Variants in KCMF1 observed in about 807,000 individuals in gnomAD.
KCMF1 encodes E3 ubiquitin-protein ligase KCMF1.
KCMF1 carries 3 observed loss-of-function variants against 41.1 expected under a neutral mutation model. The observed-to-expected ratio is 0.07, with a 90% confidence interval of 0.03 to 0.19. The LOEUF is 0.19. KCMF1 is among the 10% of genes least tolerant of loss of function. The pLI, the probability that KCMF1 is intolerant of heterozygous loss-of-function variation, is 1.00. For missense variants in KCMF1, 286 were observed against 488.9 expected (o/e 0.58, Z 3.91); for synonymous variants, 142 against 164.5 (o/e 0.86, Z 1.04).
intron 1 of KCMF1, among the ~76,000 whole-genome samples, chr2:85,023,475 C>T (rs968257295): frequency 6.6e-6 from 1 of 151,898 alleles, no homozygotes; most frequent in African/African-American, 2.4e-5. Flanking sequence ...CCCGCCACCA[C>T]GCCTGGCTAA....
In KCMF1 at chr2:85,046,262, C is replaced by A. The variant is rs760200878; in HGVS notation, c.585C>A (p.Ala195=). Reference sequence around the variant, plus strand: ...CATATTCTCCAAGCAATAGGGAAGCCATGGATCCTATAGCTGGTAAGTTAG... The same window carrying A: ...CATATTCTCCAAGCAATAGGGAAGCAATGGATCCTATAGCTGGTAAGTTAG... The part of the protein sequence containing the change: ...QSSYSPSNRE[A]MDPIAELLSQ... Residue 195 remains alanine (A), a synonymous_variant, in exon 5 of 7, where the codon GCC becomes GCA. Transcript: ENST00000409785. The A allele has an allele frequency of 6.2e-7, 1 of 1,612,228 alleles. No individual in the cohort carries two copies. The highest frequency in any genetic ancestry group is 1.3e-5 in the African/African-American group (1 of 74,976).
At chr2:85,014,593 C>G (rs551423824) in intron 1 of KCMF1, among the ~76,000 whole-genome samples, 2 of 150,882 alleles carry the variant, frequency 1.3e-5, no homozygotes, top group South Asian at 2.1e-4. Context: ...CTCTCTCTGC[C>G]TTGCTGCCAC....
Position 84,981,390 on chromosome 2 carries a change from C to T in KCMF1, c.16+9923C>T, listed in dbSNP as rs940073452. Among the ~76,000 whole-genome samples the T allele has an allele frequency of 1.6e-4, 24 of 151,904 alleles. 1 individual carries two copies. Among genetic ancestry groups the T allele is most frequent in the African/African-American group, 4.8e-4 (20 of 41,358 alleles). The stretch of plus-strand genomic sequence containing the variant: ...ATTTTTAGTAGAGACAGGGTTTCAC[C>T]GTGTTAGCCAGGATGGTCTCGATCT... On this transcript the variant is annotated intron_variant, in intron 1 of 6. Coordinates refer to ENST00000409785, the MANE Select transcript of KCMF1 (RefSeq NM_020122.5).
chr2:84,994,819 T>C (rs1674137680), intron 1 of KCMF1, among the ~76,000 whole-genome samples: 1 of 152,240 alleles, frequency 6.6e-6, no homozygotes, highest in Non-Finnish European at 1.5e-5. Context: ...TTACATTTGG[T>C]TGATAGGTCC....
chr2:85,046,196 T>C lies in KCMF1; in HGVS notation c.519T>C (p.Phe173=), dbSNP rs1158755246. The C allele has an allele frequency of 1.2e-6, 2 of 1,613,502 alleles. No homozygotes were observed. Among genetic ancestry groups the C allele is most frequent in the South Asian group, 1.1e-5 (1 of 90,964 alleles). Residue 173 remains phenylalanine, a synonymous_variant, in exon 5 of 7, where the codon TTT becomes TTC. Coordinates refer to ENST00000409785, the MANE Select transcript of KCMF1 (RefSeq NM_020122.5). ...GPRARRSNMH[F]TSSSTGGLSS... Reference sequence around the variant, plus strand: ...GTGCTCGTAGATCAAACATGCACTTTACTAGCAGTTCTACTGGTGGACTTT... The same window carrying C: ...GTGCTCGTAGATCAAACATGCACTTCACTAGCAGTTCTACTGGTGGACTTT...
chr2:85,038,146 C>CT (rs1225933012), intron 3 of KCMF1, among the ~76,000 whole-genome samples: 2 of 152,184 alleles, frequency 1.3e-5, no homozygotes, highest in African/African-American at 2.4e-5. Flanking sequence ...AGTGACAAAT[C>CT]TAACTTCAGC....
intron 5 of KCMF1, among the ~76,000 whole-genome samples, chr2:85,048,691 T>G (rs558041981): frequency 1.3e-5 from 2 of 152,324 alleles, no homozygotes; most frequent in African/African-American, 2.4e-5. Flanking sequence ...CACAAGACAG[T>G]CTGGATCATA....
chr2:84,971,368 G>A lies in KCMF1; in HGVS notation c.-84G>A, dbSNP rs1390232203. On this transcript the variant is annotated 5_prime_UTR_variant, in exon 1 of 7. Coordinates refer to ENST00000409785, the MANE Select transcript of KCMF1 (RefSeq NM_020122.5). Reference sequence around the variant, plus strand: ...CCGGGAGTCGAGTGGGAGTCGGCCGGCCGGCGCGGGCAGCGCCGGGACCCC... The same window carrying A: ...CCGGGAGTCGAGTGGGAGTCGGCCGACCGGCGCGGGCAGCGCCGGGACCCC... 1.7e-5 allele frequency: 16 copies of A among 920,198 alleles called. No homozygotes were observed. In the East Asian group the frequency reaches 1.0e-3, roughly 58 times the overall value. The allele number at this position is 920,198 out of a possible 1,614,324, so 57.0% of individuals were successfully genotyped here.
intron 1 of KCMF1, among the ~76,000 whole-genome samples, chr2:85,016,008 C>T (rs1674759704): frequency 6.6e-6 from 1 of 152,066 alleles, no homozygotes; most frequent in African/African-American, 2.4e-5. Context: ...TATCACAGGA[C>T]TCACAGAATT....
chr2:84,974,230 G>C (rs959035905), intron 1 of KCMF1, among the ~76,000 whole-genome samples: 3 of 152,130 alleles, frequency 2.0e-5, no homozygotes, highest in African/African-American at 7.2e-5. Flanking sequence ...TCCTGAACTG[G>C]ATATAATAGT....
At chr2:84,980,133 G>A (rs1251276683) in intron 1 of KCMF1, among the ~76,000 whole-genome samples, 3 of 152,108 alleles carry the variant, frequency 2.0e-5, no homozygotes, top group East Asian at 1.9e-4. Context: ...CGCCCAGCCA[G>A]TTATTTTTAT....
chr2:85,028,611 T>A (rs1675177811), intron 2 of KCMF1, among the ~76,000 whole-genome samples: 1 of 143,048 alleles, frequency 7.0e-6, no homozygotes. Context: ...TGCCTCAGCC[T>A]CCCAAGGAGC....
intron 1 of KCMF1, among the ~76,000 whole-genome samples, chr2:84,999,390 A>G (rs1340342419): frequency 6.6e-6 from 1 of 152,020 alleles, no homozygotes; most frequent in Non-Finnish European, 1.5e-5. Context: ...TGAATTCGTG[A>G]TCTGCCTGCC....
intron 1 of KCMF1, among the ~76,000 whole-genome samples, chr2:84,974,017 C>A (rs1042639020): frequency 6.6e-6 from 1 of 151,716 alleles, no homozygotes; most frequent in Non-Finnish European, 1.5e-5. Flanking sequence ...TAGTAGAGAT[C>A]GGGTTTCATC....
Position 85,022,886 on chromosome 2 carries a change from C to CTTT in KCMF1, c.17-4985_17-4983dup, listed in dbSNP as rs34732141. 2.5e-3 allele frequency among the ~76,000 whole-genome samples: 284 copies of CTTT among 111,708 alleles called. 3 individuals are homozygous for CTTT. Among genetic ancestry groups the CTTT allele is most frequent in the African/African-American group, 4.0e-3 (116 of 29,086 alleles). 73.3% of individuals were successfully genotyped at this position (111,708 alleles called of 152,430 possible). ...TTTTCAACTTTATACTGTATGTATT[C>CTTT]TTTTTTTTTTTTTTTTTTTTGAGAC... On this transcript the variant is annotated intron_variant, in intron 1 of 6. Coordinates refer to ENST00000409785, the MANE Select transcript of KCMF1 (RefSeq NM_020122.5).
intron 3 of KCMF1, among the ~76,000 whole-genome samples, chr2:85,039,506 C>A (rs114976797): frequency 0.01 from 1,581 of 152,122 alleles, 22 homozygotes; most frequent in African/African-American, 0.036. Flanking sequence ...AGCAGTGATT[C>A]GGTGTTTATA....
At chr2:84,987,118 T>A (rs986836254) in intron 1 of KCMF1, among the ~76,000 whole-genome samples, 2 of 152,232 alleles carry the variant, frequency 1.3e-5, no homozygotes, top group Non-Finnish European at 2.9e-5. Flanking sequence ...ATGGTATTTT[T>A]TATCACGGTA....
chr2:85,029,282 A>T lies in KCMF1; in HGVS notation c.184+1226A>T, dbSNP rs138943230. 3.6e-4 allele frequency among the ~76,000 whole-genome samples: 55 copies of T among 152,068 alleles called. 1 individual carries two copies. The highest frequency in any genetic ancestry group is 1.3e-3 in the African/African-American group (55 of 41,508). On this transcript the variant is annotated intron_variant, in intron 2 of 6. Transcript: ENST00000409785. The stretch of plus-strand genomic sequence containing the variant: ...CCCAGCAATAATAGCTTTTGTAGTG[A>T]CCAGAAAACAGATTGTTGGCTGGTT...
intron 2 of KCMF1, among the ~76,000 whole-genome samples, chr2:85,028,934 C>T (rs535033061): frequency 3.3e-5 from 5 of 152,076 alleles, no homozygotes; most frequent in African/African-American, 7.2e-5. Flanking sequence ...GTCTTTTGTT[C>T]GTGCTATTAA....
Sources: gnomAD v4.1 joint callset for allele counts (sites outside exome capture counted in the v4.1 genomes callset) on GRCh38, gnomAD v4.1.1 for gene constraint, MANE v1.5 for transcripts, NCBI Gene and HGNC (gene_info 2026-07-23, HGNC 2026-07-21) for gene names.